ACOX1: variants seen among roughly 807,000 people sequenced by gnomAD.
The protein encoded by ACOX1 is peroxisomal acyl-coenzyme A oxidase 1.
Under a neutral mutation model 75.5 loss-of-function variants are expected in ACOX1, and 41 were observed. The ratio of observed to expected loss-of-function variants is 0.54; its 90% CI spans 0.42 to 0.70. ACOX1 has a LOEUF of 0.70. Among genes scored for constraint, ACOX1 ranks in the 30% least tolerant of loss-of-function variants. ACOX1 has a pLI of 0.00. For synonymous variants in ACOX1, 303 were observed against 298.8 expected (o/e 1.01, Z -0.15); for missense variants, 630 against 837.5 (o/e 0.75, Z 3.06).
chr17:75,977,951 A>G (rs2066070386), intron 2 of ACOX1, among the ~76,000 whole-genome samples: 1 of 152,206 alleles, frequency 6.6e-6, no homozygotes, highest in Non-Finnish European at 1.5e-5. Flanking sequence ...ATGCTTTTAC[A>G]ACATCCTTGA....
intron 6 of ACOX1, 58 bp downstream of exon 6, chr17:75,955,508 T>C: frequency 7.2e-7 from 1 of 1,380,004 alleles, no homozygotes; most frequent in Non-Finnish European, 1.0e-6. Context: ...CTATTGTGAG[T>C]AACAGCCACT....
At position 75,978,456 on chromosome 17, in the gene ACOX1, G is replaced by C; in HGVS notation, c.269+78C>G. The stretch of plus-strand genomic sequence containing the variant: ...GTTTGCATCTTCAAACACCAAGCAC[G>C]GTGATGAAAGGCCACCATAGACCGC... On this transcript the variant is annotated intron_variant, in intron 2 of 13. Coordinates refer to ENST00000293217, the MANE Select transcript of ACOX1 (RefSeq NM_004035.7). The surrounding 1 kb of genome is among the most constrained non-coding windows in gnomAD (Gnocchi z 4.2). 2.6e-6 allele frequency: 4 copies of C among 1,557,920 alleles called. No homozygotes were observed. The highest frequency in any genetic ancestry group is 3.5e-6 in the Non-Finnish European group (4 of 1,129,936).
At chr17:75,971,844 A>C (rs1007459669) in intron 2 of ACOX1, among the ~76,000 whole-genome samples, 2 of 152,230 alleles carry the variant, frequency 1.3e-5, no homozygotes, top group Non-Finnish European at 2.9e-5. Flanking sequence ...TACTTAACAA[A>C]TCCATTAGCC....
At chr17:75,965,111 G>A (rs1406015356) in intron 2 of ACOX1, among the ~76,000 whole-genome samples, 1 of 152,128 alleles carries the variant, frequency 6.6e-6, no homozygotes, top group African/African-American at 2.4e-5. Flanking sequence ...GCCGAGGAGG[G>A]CGCATCACGA....
At chr17:75,961,976 C>A (rs1047606273) in intron 2 of ACOX1, among the ~76,000 whole-genome samples, 1 of 151,952 alleles carries the variant, frequency 6.6e-6, no homozygotes, top group African/African-American at 2.4e-5. Flanking sequence ...AGTATGACCC[C>A]CAGATTATAG....
intron 2 of ACOX1, among the ~76,000 whole-genome samples, chr17:75,963,081 C>A (rs532507768): frequency 1.4e-5 from 2 of 146,582 alleles, no homozygotes; most frequent in South Asian, 4.2e-4. Flanking sequence ...CAGTGAGCCA[C>A]GATGGCACCA....
In ACOX1 at chr17:75,960,512, G is replaced by T; in HGVS notation, c.270-137C>A. The T allele has an allele frequency of 1.2e-6, 1 of 849,760 alleles. No individual in the cohort carries two copies. Among genetic ancestry groups the T allele is most frequent in the South Asian group, 1.4e-5 (1 of 69,586 alleles). 52.6% of individuals were successfully genotyped at this position (849,760 alleles called of 1,614,324 possible). On this transcript the variant is annotated intron_variant, in intron 2 of 13. Coordinates refer to ENST00000293217, the MANE Select transcript of ACOX1 (RefSeq NM_004035.7). This position sits in a 1 kb window ranked among gnomAD's most constrained non-coding sequence, Gnocchi z 4.4. ...AGTTGCGTGCACTTAATCATAGATG[G>T]GAGCACTGTCCCTTTCTGTATTACT...
chr17:75,970,685 G>C (rs2065985777), intron 2 of ACOX1, among the ~76,000 whole-genome samples: 1 of 152,186 alleles, frequency 6.6e-6, no homozygotes, highest in Non-Finnish European at 1.5e-5. Flanking sequence ...ACTTCTGTGA[G>C]ACCGCGTTAG....
chr17:75,956,965 CTCTCTCTATATATATATATATATATA>C (rs1567878004), intron 4 of ACOX1, among the ~76,000 whole-genome samples: 230 of 14,338 alleles, frequency 0.016, 3 homozygotes, highest in East Asian at 0.034. Flanking sequence ...CTCTCTCTCT[CTCTCTCTATATATATATATATATATA>C]TATATATATA....
At chr17:75,953,301 G>A in intron 7 of ACOX1, 150 bp downstream of exon 7, 2 of 799,952 alleles carry the variant, frequency 2.5e-6, no homozygotes, top group South Asian at 3.0e-5. Flanking sequence ...AGAAAAGGAA[G>A]CCTAGATATG....
At chr17:75,967,636 A>C (rs1193010509) in intron 2 of ACOX1, among the ~76,000 whole-genome samples, 1 of 57,386 alleles carries the variant, frequency 1.7e-5, no homozygotes, top group East Asian at 3.1e-4. Context: ...ATATACATAC[A>C]TATATATACG....
At chr17:75,959,255 C>A (rs1380189433) in intron 3 of ACOX1, among the ~76,000 whole-genome samples, 2 of 152,188 alleles carry the variant, frequency 1.3e-5, no homozygotes, top group South Asian at 4.1e-4. Context: ...GTCAACAAAT[C>A]AGACACAGAC....
At chr17:75,952,959 G>A (rs986928048) in intron 7 of ACOX1, among the ~76,000 whole-genome samples, 2 of 152,058 alleles carry the variant, frequency 1.3e-5, no homozygotes, top group African/African-American at 4.8e-5. Context: ...ACAGGTGTCA[G>A]CTACCACACC....
At chr17:75,973,620 C>T (rs1432655434) in intron 2 of ACOX1, 4 of 1,614,048 alleles carry the variant, frequency 2.5e-6, no homozygotes, top group Admixed American at 3.3e-5. Flanking sequence ...TCAATGTGGA[C>T]TAACCGTGGC....
chr17:75,959,505 G>T (rs2065869143), intron 3 of ACOX1, among the ~76,000 whole-genome samples: 1 of 152,130 alleles, frequency 6.6e-6, no homozygotes, highest in Non-Finnish European at 1.5e-5. Flanking sequence ...AAAAAGAGAA[G>T]CCATAAGCAA....
intron 13 of ACOX1, 90 bp from the exon 14 acceptor site, chr17:75,946,885 T>A: frequency 1.6e-6 from 2 of 1,253,658 alleles, no homozygotes; most frequent in Non-Finnish European, 2.3e-6. Context: ...TGTTTTTTTT[T>A]TGAGACTGAG....
chr17:75,965,230 C>T lies in ACOX1; in HGVS notation c.270-4855G>A, dbSNP rs1032264430. ...GCGGGCGCCTGTAGTCCCAGCTACT[C>T]GGGAGGCTGAGGCAGGAGAATGGCG... On this transcript the variant is annotated intron_variant, in intron 2 of 13. Coordinates refer to ENST00000293217, the MANE Select transcript of ACOX1 (RefSeq NM_004035.7). 6.0e-5 allele frequency among the ~76,000 whole-genome samples: 9 copies of T among 149,678 alleles called. No homozygotes were observed. In the East Asian group the frequency reaches 8.0e-4, roughly 13 times the overall value.
chr17:75,947,686 T>TTG lies in ACOX1; in HGVS notation c.1935+563_1935+564dup, dbSNP rs139373608. ...TCTCTTTTTGTATATTTTATTCTAT[T>TTG]TGTGTGTGTGTGTGTGTGTGTATAC... On this transcript the variant is annotated intron_variant, in intron 13 of 13. Transcript: ENST00000293217. 6.2e-3 allele frequency among the ~76,000 whole-genome samples: 932 copies of TTG among 149,528 alleles called. 5 individuals carry two copies. Among genetic ancestry groups the TTG allele is most frequent in the Non-Finnish European group, 8.3e-3 (558 of 67,364 alleles).
chr17:75,953,423 C>T, intron 7 of ACOX1, 28 bp downstream of exon 7: 1 of 1,611,936 alleles, frequency 6.2e-7, no homozygotes, highest in Non-Finnish European at 8.5e-7. Flanking sequence ...GCCTTTGGTA[C>T]TGAGCCCATC....
Sources: allele counts gnomAD v4.1 joint callset (sites outside exome capture counted in the v4.1 genomes callset), GRCh38; gene constraint gnomAD v4.1.1; non-coding constraint Gnocchi (gnomAD v3.1); transcripts MANE v1.5; gene names NCBI Gene and HGNC (gene_info 2026-07-23, HGNC 2026-07-21).